The following DNASE1 variants were observed in gnomAD, a reference collection of about 807,000 sequenced individuals.
DNASE1 encodes deoxyribonuclease-1.
DNASE1 carries 40 observed loss-of-function variants against 33.9 expected under a neutral mutation model. That is an observed-to-expected ratio of 1.18 (90% CI 0.92 to 1.54). DNASE1 has a LOEUF of 1.54. Among genes scored for constraint, DNASE1 ranks in the 40% most tolerant of loss-of-function variants. The pLI is 0.00. For synonymous variants in DNASE1, 216 were observed against 160.0 expected, an observed-to-expected ratio of 1.35 and a Z score of -2.64; for missense variants, 518 against 372.6, an observed-to-expected ratio of 1.39 and a Z score of -3.21.
intron 1 of DNASE1, among the ~76,000 whole-genome samples, chr16:3,627,517 T>G (rs2041552802): frequency 1.3e-5 from 2 of 152,142 alleles, no homozygotes; most frequent in Admixed American, 1.3e-4. Context: ...GCTCAAGTGA[T>G]CCTTCCACCT....
At chr16:3,622,981 T>C (rs535804204) in intron 1 of DNASE1, among the ~76,000 whole-genome samples, 1 of 152,248 alleles carries the variant, frequency 6.6e-6, no homozygotes, top group South Asian at 2.1e-4. Flanking sequence ...AAGGATTTCT[T>C]GAGAGCTTGA....
In DNASE1 at chr16:3,613,923, T is replaced by A. The variant is rs996274861; in HGVS notation, c.-1359+1917T>A. ...CGCCTGGCTAATTTTTTTTTTTTTT[T>A]TTTTTTTTGGACAAAATCTCGCTCT... On this transcript the variant is annotated intron_variant and NMD_transcript_variant, in intron 1 of 11. Transcript: ENST00000570769. 1.1e-4 allele frequency among the ~76,000 whole-genome samples: 16 copies of A among 147,184 alleles called. 1 individual carries two copies. The highest frequency in any genetic ancestry group is 9.0e-4 in the South Asian group (4 of 4,428).
At chr16:3,617,738 G>C (rs1392467630) in intron 1 of DNASE1, among the ~76,000 whole-genome samples, 1 of 152,098 alleles carries the variant, frequency 6.6e-6, no homozygotes, top group Admixed American at 6.6e-5. Flanking sequence ...TTGGGCCCAG[G>C]AGTTTGAGAC....
Position 3,657,266 on chromosome 16 carries a change from C to G in DNASE1, c.629C>G (p.Thr210Arg). 2.5e-6 allele frequency: 4 copies of G among 1,614,006 alleles called. No homozygotes were observed. The highest frequency in any genetic ancestry group is 3.4e-6 in the Non-Finnish European group (4 of 1,180,030). The change falls in exon 7 of 9, where the codon ACA becomes AGA. Residue 210 changes from threonine (T) to arginine (R), a missense_variant. Coordinates refer to ENST00000246949, the MANE Select transcript of DNASE1 (RefSeq NM_005223.4). ...CAGTGGTCATCCATCCGCCTGTGGACAAGCCCCACCTTCCAGTGGCTGATC... is the reference window on the plus strand; with the variant it reads ...CAGTGGTCATCCATCCGCCTGTGGAGAAGCCCCACCTTCCAGTGGCTGATC... ...PSQWSSIRLW[T>R]SPTFQWLIPD... is the part of the protein sequence containing the mutation.
chr16:3,620,410 G>A (rs958324921), intron 1 of DNASE1, among the ~76,000 whole-genome samples: 1 of 151,740 alleles, frequency 6.6e-6, no homozygotes, highest in South Asian at 2.1e-4. Context: ...TGTCACCCAG[G>A]CTGGAGTGCA....
intron 1 of DNASE1, among the ~76,000 whole-genome samples, chr16:3,622,729 C>T (rs1470104472): frequency 3.9e-5 from 6 of 152,148 alleles, no homozygotes; most frequent in Admixed American, 2.0e-4. Flanking sequence ...TGGGACTACA[C>T]CTATGTGCTA....
At chr16:3,646,040 C>CCCGAGTAGAGCCAG (rs957975877) in intron 1 of DNASE1, among the ~76,000 whole-genome samples, 2 of 152,082 alleles carry the variant, frequency 1.3e-5, no homozygotes, top group African/African-American at 4.8e-5. Context: ...GAGAAAGAAC[C>CCCGAGTAGAGCCAG]CCGAGTAGAG....
rs1323181356 is a variant in DNASE1 at position 3,657,042 on chromosome 16, G to A, written c.480G>A (p.Gly160=). 6.2e-7 allele frequency: 1 copy of A among 1,613,672 alleles called. No homozygotes were observed. The highest frequency in any genetic ancestry group is 8.5e-7 in the Non-Finnish European group (1 of 1,179,974). ...TTGTTCCCCTGCATGCGGCCCCGGG[G>A]GACGCAGTAGCCGAGATCGACGCTC... ...FAIVPLHAAP[G]DAVAEIDALY... Residue 160 remains glycine, a synonymous_variant, in exon 6 of 9, where the codon GGG becomes GGA. Transcript: ENST00000246949.
intron 1 of DNASE1, among the ~76,000 whole-genome samples, chr16:3,628,324 A>T (rs2041585302): frequency 6.6e-6 from 1 of 152,044 alleles, no homozygotes; most frequent in Non-Finnish European, 1.5e-5. Context: ...TATTGTAATT[A>T]TTTTTTGTGT....
chr16:3,651,903 C>G (rs1284309096), upstream of DNASE1: 1 of 152,360 alleles, frequency 6.6e-6, no homozygotes, highest in Admixed American at 6.5e-5. Flanking sequence ...GCTGCAGGGG[C>G]AGGATGGCTT....
At chr16:3,612,600 G>A (rs1322947135) in intron 1 of DNASE1, among the ~76,000 whole-genome samples, 1 of 142,578 alleles carries the variant, frequency 7.0e-6, no homozygotes, top group Non-Finnish European at 1.5e-5. Context: ...GCGGGGGGGG[G>A]AGTCTCACTA....
chr16:3,650,986 A>G (rs1325408831), upstream of DNASE1: 3 of 152,236 alleles, frequency 2.0e-5, no homozygotes, highest in African/African-American at 2.4e-5. Context: ...GCTTCCTTCA[A>G]AATTCAGAAG....
chr16:3,619,070 T>C (rs1052373270), intron 1 of DNASE1, among the ~76,000 whole-genome samples: 2 of 151,966 alleles, frequency 1.3e-5, no homozygotes, highest in Non-Finnish European at 2.9e-5. Flanking sequence ...GGTTACACTC[T>C]ATCATCCAGA....
chr16:3,652,949 C>G (rs572735343), upstream of DNASE1: 1 of 152,460 alleles, frequency 6.6e-6, no homozygotes, highest in Non-Finnish European at 1.5e-5. Flanking sequence ...ACGTGCAGGG[C>G]TGTCCTTGGA....
intron 1 of DNASE1, among the ~76,000 whole-genome samples, chr16:3,644,883 C>G (rs998356222): frequency 6.6e-6 from 1 of 152,138 alleles, no homozygotes; most frequent in South Asian, 2.1e-4. Context: ...AATCCCAGCA[C>G]TTTGGGAGGC....
rs928096402 is a variant in DNASE1, at chr16:3,655,528, C to T, written c.147+8C>T. On this transcript the variant is annotated splice_region_variant and intron_variant, in intron 2 of 8. Coordinates refer to ENST00000246949, the MANE Select transcript of DNASE1 (RefSeq NM_005223.4). The stretch of plus-strand genomic sequence containing the variant: ...GTCAGCTACATTGTGCAGGTGAGGC[C>T]AGGGCAGCCTCCCCCCAAAAGCAGA... 4 of 1,614,008 alleles carry T rather than the reference C, an allele frequency of 2.5e-6. No homozygotes were observed. The highest frequency in any genetic ancestry group is 3.4e-6 in the Non-Finnish European group (4 of 1,180,016).
At chr16:3,654,166 G>C (rs903729059), upstream of DNASE1, 4 of 394,210 alleles carry the variant, frequency 1.0e-5, no homozygotes, top group Non-Finnish European at 1.3e-5. Context: ...CCTGAGGCCT[G>C]GCCTTTAGCT....
rs755123150 is a variant in DNASE1 at position 3,655,471 on chromosome 16, T to C, written c.98T>C (p.Phe33Ser). The C allele has an allele frequency of 1.6e-5, 26 of 1,613,996 alleles. No individual in the cohort carries two copies. Among genetic ancestry groups the C allele is most frequent in the Non-Finnish European group, 2.0e-5 (24 of 1,180,028 alleles). ...ATCGCAGCCTTCAACATCCAGACAT[T>C]TGGGGAGACCAAGATGTCCAATGCC... is the stretch of plus-strand genomic sequence containing the variant. The part of the protein sequence containing the change: ...LKIAAFNIQT[F>S]GETKMSNATL... The change falls in exon 2 of 9, where the codon TTT (phenylalanine) becomes TCT (serine). Residue 33 changes from phenylalanine to serine, a missense_variant. Coordinates refer to ENST00000246949, the MANE Select transcript of DNASE1 (RefSeq NM_005223.4).
chr16:3,645,467 G>T (rs1205387370), intron 1 of DNASE1, among the ~76,000 whole-genome samples: 1 of 152,212 alleles, frequency 6.6e-6, no homozygotes, highest in African/African-American at 2.4e-5. Context: ...TCAGGCTGCG[G>T]GTGTGCTAAC....
Sources: allele counts gnomAD v4.1 joint callset (sites outside exome capture counted in the v4.1 genomes callset), GRCh38; gene constraint gnomAD v4.1.1; transcripts MANE v1.5; gene names NCBI Gene and HGNC (gene_info 2026-07-23, HGNC 2026-07-21).